Variants in LRRC37A2 observed in about 807,000 individuals in gnomAD.
LRRC37A2 encodes leucine-rich repeat-containing protein 37A2.
Under a neutral mutation model 68.8 loss-of-function variants are expected in LRRC37A2, and 9 were observed. The observed-to-expected ratio is 0.13, with a 90% confidence interval of 0.08 to 0.23. The LOEUF (loss-of-function observed/expected upper bound fraction) is 0.23, where lower values mean the gene tolerates loss of function less well. Ranked by LOEUF, LRRC37A2 falls within the 10% of genes least tolerant of loss-of-function variation. LRRC37A2 has a pLI of 1.00. For synonymous variants in LRRC37A2, 63 were observed against 367.6 expected (o/e 0.17, Z 9.48); for missense variants, 168 against 950.4 (o/e 0.18, Z 10.82).
chr17:46,959,006 A>G, the LRRC37A2 span, among the ~76,000 whole-genome samples: 2 of 152,248 alleles, frequency 1.3e-5, no homozygotes, highest in South Asian at 4.1e-4. Context: ...GTTTCTGTGC[A>G]GCCATGAAGA....
chr17:46,556,915 GGGA>G (rs1477847719), downstream of LRRC37A2: 5 of 107,068 alleles, frequency 4.7e-5, no homozygotes, highest in Admixed American at 2.8e-4. Context: ...GGTGGAGGGT[GGGA>G]GGAGGGAGAG....
chr17:46,795,792 ACCCCCAGGCTTCTC>A, the LRRC37A2 span, among the ~76,000 whole-genome samples: 1 of 151,808 alleles, frequency 6.6e-6, no homozygotes, highest in East Asian at 1.9e-4. Flanking sequence ...GGTGCTAGTA[ACCCCCAGGCTTCTC>A]AGATAACTCC....
chr17:46,851,763 T>A, the LRRC37A2 span: 1 of 1,013,552 alleles, frequency 9.9e-7, no homozygotes, highest in Non-Finnish European at 1.3e-6. The surrounding 1 kb of genome is among the most constrained non-coding windows in gnomAD (Gnocchi z 4.3). Context: ...TGCCTGTCTC[T>A]CCCTCCTGCG....
the LRRC37A2 span, among the ~76,000 whole-genome samples, chr17:46,695,264 T>G: frequency 1.4e-5 from 2 of 144,712 alleles, no homozygotes; most frequent in Non-Finnish European, 3.0e-5. Context: ...AAAAAAAAGT[T>G]GTAATATGTC....
chr17:46,394,416 G>A, the LRRC37A2 span, among the ~76,000 whole-genome samples: 1 of 43,472 alleles, frequency 2.3e-5, no homozygotes, highest in African/African-American at 7.7e-5. Flanking sequence ...TCCAGAATAT[G>A]CAAAGAACCC....
chr17:46,763,831 CAAAAAAA>C, the LRRC37A2 span: 1 of 123,714 alleles, frequency 8.1e-6, no homozygotes, highest in East Asian at 3.3e-4. Context: ...CCACTACCAC[CAAAAAAA>C]AAAAAAAACA....
At chr17:46,744,524 CT>C in the LRRC37A2 span, among the ~76,000 whole-genome samples, 2 of 152,118 alleles carry the variant, frequency 1.3e-5, no homozygotes, top group Non-Finnish European at 2.9e-5. Flanking sequence ...AAAGAATGGC[CT>C]TTCTTTCCTG....
At chr17:46,742,001 G>A in the LRRC37A2 span, among the ~76,000 whole-genome samples, 1 of 152,100 alleles carries the variant, frequency 6.6e-6, no homozygotes, top group Non-Finnish European at 1.5e-5. Flanking sequence ...TGATCCACCC[G>A]CCTCGGCCTC....
the LRRC37A2 span, among the ~76,000 whole-genome samples, chr17:46,884,797 G>A: frequency 1.1e-4 from 16 of 152,178 alleles, no homozygotes; most frequent in African/African-American, 3.6e-4. Context: ...CAGACCCAGT[G>A]AAGGCGACAG....
the LRRC37A2 span, among the ~76,000 whole-genome samples, chr17:46,890,580 A>G: frequency 2.6e-5 from 4 of 152,184 alleles, no homozygotes; most frequent in African/African-American, 9.7e-5. Context: ...GGGCTGTGAA[A>G]TTTTGCAACT....
the LRRC37A2 span, among the ~76,000 whole-genome samples, chr17:47,007,027 C>T: frequency 6.6e-6 from 1 of 152,150 alleles, no homozygotes; most frequent in Admixed American, 6.5e-5. Flanking sequence ...ACAGTATTTG[C>T]CTCAGTTGCA....
chr17:46,806,527 A>G, the LRRC37A2 span, among the ~76,000 whole-genome samples: 1 of 152,080 alleles, frequency 6.6e-6, no homozygotes, highest in Non-Finnish European at 1.5e-5. Context: ...GTTTTCTCAC[A>G]GGTAACATGG....
At chr17:46,777,492 T>G in the LRRC37A2 span, among the ~76,000 whole-genome samples, 1 of 152,204 alleles carries the variant, frequency 6.6e-6, no homozygotes, top group Admixed American at 6.5e-5. Context: ...GCCTCAAAGG[T>G]CGGAGTGCTT....
chr17:46,852,083 C>T, the LRRC37A2 span, among the ~76,000 whole-genome samples: 1 of 152,252 alleles, frequency 6.6e-6, no homozygotes, highest in Non-Finnish European at 1.5e-5. Flanking sequence ...GGGATCCTCA[C>T]GCCGGTGCCC....
the LRRC37A2 span, among the ~76,000 whole-genome samples, chr17:47,000,028 TAA>T: frequency 5.8e-5 from 1 of 17,314 alleles, no homozygotes; most frequent in African/African-American, 1.0e-4. Context: ...TAAAATAAAA[TAA>T]AATAAAATAA....
chr17:46,940,503 A>G, the LRRC37A2 span: 2 of 1,613,678 alleles, frequency 1.2e-6, no homozygotes, highest in Non-Finnish European at 1.7e-6. Context: ...ACTTTTGGTA[A>G]TCCATAAAAT....
chr17:46,873,594 T>C, the LRRC37A2 span, among the ~76,000 whole-genome samples: 1 of 152,202 alleles, frequency 6.6e-6, no homozygotes, highest in East Asian at 1.9e-4. Context: ...CGCAGTGGCT[T>C]GTGCCTCTAA....
chr17:46,804,237 G>A, the LRRC37A2 span, among the ~76,000 whole-genome samples: 611 of 152,122 alleles, frequency 4.0e-3, 6 homozygotes, highest in African/African-American at 0.013. Context: ...ACAGGTGCGT[G>A]CCACCACACC....
chr17:46,815,746 T>A, the LRRC37A2 span, among the ~76,000 whole-genome samples: 3 of 152,300 alleles, frequency 2.0e-5, no homozygotes, highest in African/African-American at 7.2e-5. Context: ...AGGAAGCCTG[T>A]GCCCCTGCCT....
Sources: gnomAD v4.1 joint callset for allele counts (sites outside exome capture counted in the v4.1 genomes callset) on GRCh38, gnomAD v4.1.1 for gene constraint, Gnocchi (gnomAD v3.1) non-coding constraint, MANE v1.5 for transcripts, NCBI Gene and HGNC (gene_info 2026-07-23, HGNC 2026-07-21) for gene names.